The following DSC3 variants were observed in gnomAD, a reference collection of about 807,000 sequenced individuals.
DSC3 encodes desmocollin 3.
In DSC3, 97 loss-of-function variants were observed where a neutral mutation model predicts 89.5. The observed-to-expected ratio is 1.08, with a 90% CI of 0.92 to 1.28. The LOEUF is 1.28. DSC3 is among the 50% of genes most tolerant of loss of function. DSC3 has a pLI of 0.00. For missense variants in DSC3, 1,199 were observed against 1,085.3 expected (o/e 1.10, Z -1.47); for synonymous variants, 436 against 384.1 (o/e 1.14, Z -1.58).
At chr18:31,015,022 G>A (rs1985188747) in intron 9 of DSC3, among the ~76,000 whole-genome samples, 1 of 152,060 alleles carries the variant, frequency 6.6e-6, no homozygotes, top group African/African-American at 2.4e-5. Context: ...TATGTAAAGT[G>A]CCTAGCATTT....
chr18:31,028,139 G>C (rs1490901758), intron 4 of DSC3, among the ~76,000 whole-genome samples: 1 of 152,134 alleles, frequency 6.6e-6, no homozygotes, highest in Non-Finnish European at 1.5e-5. Context: ...ATCACTGAGA[G>C]AGTAAATATC....
chr18:31,007,980 C>T, intron 11 of DSC3, 36 bp downstream of exon 11: 1 of 1,535,608 alleles, frequency 6.5e-7, no homozygotes, highest in South Asian at 1.1e-5. Flanking sequence ...TTCTCTAATT[C>T]CTTTATAGAA....
chr18:31,022,853 T>A (rs1048020332), intron 6 of DSC3, among the ~76,000 whole-genome samples: 3 of 152,228 alleles, frequency 2.0e-5, no homozygotes, highest in Non-Finnish European at 2.9e-5. Context: ...GTCTCCTTAA[T>A]AATCAGATTT....
intron 15 of DSC3, 107 bp downstream of exon 15, chr18:30,996,684 A>C: frequency 7.3e-7 from 1 of 1,367,262 alleles, no homozygotes; most frequent in Non-Finnish European, 1.0e-6. Context: ...AGAGCAAGCA[A>C]GAGAGAGCCC....
intron 9 of DSC3, among the ~76,000 whole-genome samples, chr18:31,012,713 AAG>A (rs1194975315): frequency 2.0e-5 from 3 of 152,228 alleles, no homozygotes; most frequent in African/African-American, 7.2e-5. Flanking sequence ...GATGGAAAAA[AAG>A]AAGGAAATAA....
At chr18:31,023,481 C>T (rs1428889907) in intron 6 of DSC3, among the ~76,000 whole-genome samples, 2 of 152,104 alleles carry the variant, frequency 1.3e-5, no homozygotes, top group African/African-American at 4.8e-5. Context: ...AACTAGGTTT[C>T]CTAAACTCCA....
intron 1 of DSC3, among the ~76,000 whole-genome samples, chr18:31,033,124 A>T (rs766899304): frequency 6.6e-6 from 1 of 152,198 alleles, no homozygotes; most frequent in Non-Finnish European, 1.5e-5. Context: ...GTATAATATT[A>T]TACACTGAAA....
At chr18:31,001,829 G>T in intron 13 of DSC3, 90 bp from the exon 14 acceptor site, 1 of 1,096,856 alleles carries the variant, frequency 9.1e-7, no homozygotes, top group Non-Finnish European at 1.3e-6. Flanking sequence ...AAGGATCAAA[G>T]TGGAAAATAA....
chr18:31,017,642 AT>A (rs1375153863), intron 9 of DSC3, among the ~76,000 whole-genome samples: 1 of 152,204 alleles, frequency 6.6e-6, no homozygotes, highest in African/African-American at 2.4e-5. Context: ...GAATTAAGAA[AT>A]TGAGAATATT....
rs993986151 is a variant in DSC3 at position 30,993,670 on chromosome 18, A to G, written c.*505T>C. 6.4e-6 allele frequency: 1 copy of G among 155,582 alleles called. No individual in the cohort carries two copies. The highest frequency in any genetic ancestry group is 2.4e-5 in the African/African-American group (1 of 41,462). 9.6% of individuals were successfully genotyped at this position (155,582 alleles called of 1,614,324 possible). A position where few individuals can be genotyped will look rare whatever the true frequency, so the allele number is the denominator to read the frequency against. On this transcript the variant is annotated 3_prime_UTR_variant, in exon 16 of 16. Coordinates refer to ENST00000360428, the MANE Select transcript of DSC3 (RefSeq NM_001941.5). ...GGGCACTTCAACACATTTTGCCTCC[A>G]AAGTCAAATGAATTTGGTAGTGCAG...
chr18:31,021,849 A>G (rs1985429620), intron 7 of DSC3, among the ~76,000 whole-genome samples: 1 of 152,186 alleles, frequency 6.6e-6, no homozygotes, highest in Non-Finnish European at 1.5e-5. Context: ...AATATAAAGC[A>G]CTAGATACAT....
Position 31,029,793 on chromosome 18 carries a change from G to A in DSC3, c.355-165C>T, listed in dbSNP as rs1985721481. Among the ~76,000 whole-genome samples the A allele has an allele frequency of 2.0e-5, 3 of 152,134 alleles. 1 individual carries two copies. Among genetic ancestry groups the A allele is most frequent in the Admixed American group, 2.0e-4 (3 of 15,276 alleles). The stretch of plus-strand genomic sequence containing the variant: ...AATAAAGTCTTTCTGCATTAGAAGG[G>A]TAAGAAAGAACATATCCAGATTTTA... On this transcript the variant is annotated intron_variant, in intron 3 of 15. Coordinates refer to ENST00000360428, the MANE Select transcript of DSC3 (RefSeq NM_001941.5).
intron 15 of DSC3, 75 bp from the exon 16 acceptor site, chr18:30,994,447 T>C: frequency 1.3e-6 from 2 of 1,594,932 alleles, no homozygotes; most frequent in Non-Finnish European, 1.7e-6. Context: ...AATTTATTTT[T>C]ATTTACCTTT....
At chr18:31,022,091 T>C (rs558902920) in intron 7 of DSC3, among the ~76,000 whole-genome samples, 68 of 152,110 alleles carry the variant, frequency 4.5e-4, no homozygotes, top group Non-Finnish European at 7.9e-4. Context: ...AAAAAATTTA[T>C]AATGAAATTT....
intron 1 of DSC3, among the ~76,000 whole-genome samples, chr18:31,041,929 C>A (rs972223628): frequency 5.9e-5 from 9 of 152,114 alleles, no homozygotes; most frequent in African/African-American, 2.2e-4. Flanking sequence ...AAACACAACA[C>A]GACCCCAACC....
rs1984303935 is a variant in DSC3 at position 30,992,555 on chromosome 18, G to A, written c.*1620C>T. 6.6e-6 allele frequency: 1 copy of A among 152,212 alleles called. No individual in the cohort carries two copies. Among genetic ancestry groups the A allele is most frequent in the Admixed American group, 6.5e-5 (1 of 15,282 alleles). 9.4% of individuals were successfully genotyped at this position (152,212 alleles called of 1,614,324 possible). A position where few individuals can be genotyped will look rare whatever the true frequency, so the allele number is the denominator to read the frequency against. On this transcript the variant is annotated 3_prime_UTR_variant, in exon 16 of 16. Coordinates refer to ENST00000360428, the MANE Select transcript of DSC3 (RefSeq NM_001941.5). ...TGCCAAGCCTAGGAAAAAGTATGAAGCAGACGATGTTGCTTTTACTCCCAC... is the reference window on the plus strand; with the variant it reads ...TGCCAAGCCTAGGAAAAAGTATGAAACAGACGATGTTGCTTTTACTCCCAC...
chr18:31,026,859 C>G (rs1313593), intron 4 of DSC3, among the ~76,000 whole-genome samples: 69,676 of 151,850 alleles, frequency 0.46, 16,631 homozygotes, highest in East Asian at 0.88. Context: ...CAGTTGTGCT[C>G]TAGAAGGTGA....
chr18:31,004,451 C>A lies in DSC3; in HGVS notation c.1889-85G>T, dbSNP rs760200406. On this transcript the variant is annotated intron_variant, in intron 12 of 15. Coordinates refer to ENST00000360428, the MANE Select transcript of DSC3 (RefSeq NM_001941.5). The stretch of plus-strand genomic sequence containing the variant: ...GTTTCATCACGCTTGTTTTTGAAGG[C>A]GTCATTCTCAAGGAACTGCCTGCCA... 4.7e-6 allele frequency: 6 copies of A among 1,285,468 alleles called. No homozygotes were observed. The African/African-American group carries it at 5.9e-5, about 13-fold the overall frequency. The allele number at this position is 1,285,468 out of a possible 1,614,324, so 79.6% of individuals were successfully genotyped here. A position where few individuals can be genotyped will look rare whatever the true frequency, so the allele number is the denominator to read the frequency against.
At chr18:31,007,273 T>C in intron 11 of DSC3, 142 bp from the exon 12 acceptor site, 1 of 642,580 alleles carries the variant, frequency 1.6e-6, no homozygotes, top group South Asian at 2.0e-5. Flanking sequence ...AATAAGAACA[T>C]AGACAGATAA....
Sources: gnomAD v4.1 joint callset for allele counts (sites outside exome capture counted in the v4.1 genomes callset) on GRCh38, gnomAD v4.1.1 for gene constraint, MANE v1.5 for transcripts, NCBI Gene and HGNC (gene_info 2026-07-23, HGNC 2026-07-21) for gene names.